Variants in FBXO25 observed in about 807,000 individuals in gnomAD.
FBXO25 encodes F-box protein 25, also known as F-box only protein 25.
FBXO25 carries 45 observed loss-of-function variants against 51.9 expected under a neutral mutation model. That is an observed-to-expected ratio of 0.87 (90% CI 0.68 to 1.11). The LOEUF is 1.11. FBXO25 is among the 50% of genes most tolerant of loss of function. The pLI is 0.00. For synonymous variants in FBXO25, 199 were observed against 151.0 expected (o/e 1.32, Z -2.33); for missense variants, 507 against 428.5 (o/e 1.18, Z -1.62).
chr8:468,856 G>C lies in FBXO25; in HGVS notation c.*52G>C. 6.4e-7 allele frequency: 1 copy of C among 1,563,548 alleles called. No homozygotes were observed. The highest frequency in any genetic ancestry group is 1.1e-5 in the South Asian group (1 of 87,418). On this transcript the variant is annotated 3_prime_UTR_variant, in exon 10 of 10. Transcript: ENST00000350302. ...GATTGTGAATCCTGCTGTCTGTGCAGGGCTCATAGTGAGTGTTCTGTGAGG... is the reference window on the plus strand; with the variant it reads ...GATTGTGAATCCTGCTGTCTGTGCACGGCTCATAGTGAGTGTTCTGTGAGG...
chr8:447,498 A>T (rs1798813831), intron 5 of FBXO25, among the ~76,000 whole-genome samples: 1 of 152,222 alleles, frequency 6.6e-6, no homozygotes, highest in South Asian at 2.1e-4. Flanking sequence ...CTCATGAAGG[A>T]GTTCTGTGGC....
chr8:468,563 T>G (rs768094059), intron 9 of FBXO25, 152 bp from the exon 10 acceptor site: 1 of 605,418 alleles, frequency 1.7e-6, no homozygotes, highest in African/African-American at 1.9e-5. Flanking sequence ...GCTGCCCTTG[T>G]GTTGGTCATT....
At position 468,792 on chromosome 8, in the gene FBXO25, C is replaced by T. The variant is rs750599880; in HGVS notation, c.1065C>T (p.Leu355=). ...TPVSPQHFID[L]FKF is the part of the protein sequence containing the mutation. ...TGTCTCCGCAGCACTTCATCGACCT[C>T]TTCAAGTTTTAAGGGCTGCCCCTGC... Residue 355 remains leucine, a synonymous_variant, in exon 10 of 10, where the codon CTC becomes CTT. Coordinates refer to ENST00000350302, the MANE Select transcript of FBXO25 (RefSeq NM_183420.2). The T allele has an allele frequency of 7.4e-6, 12 of 1,613,886 alleles. No homozygotes were observed. Among genetic ancestry groups the T allele is most frequent in the South Asian group, 5.5e-5 (5 of 91,066 alleles).
intron 2 of FBXO25, among the ~76,000 whole-genome samples, chr8:418,855 C>G (rs939453303): frequency 2.0e-5 from 3 of 152,116 alleles, no homozygotes; most frequent in African/African-American, 7.2e-5. Context: ...AAGTGAACCT[C>G]TACTACTCAC....
intron 9 of FBXO25, chr8:467,826 G>T (rs1423709811): frequency 1.2e-6 from 2 of 1,603,598 alleles, no homozygotes; most frequent in Admixed American, 3.3e-5. Flanking sequence ...CGTCATCTTG[G>T]CCACTGCCCG....
At chr8:444,366 C>T (rs141042639) in intron 5 of FBXO25, among the ~76,000 whole-genome samples, 198 of 152,300 alleles carry the variant, frequency 1.3e-3, no homozygotes, top group African/African-American at 4.6e-3. Context: ...AATTTACTCC[C>T]AGATCCAAGG....
chr8:468,764 CTG>C lies in FBXO25; in HGVS notation c.1041_1042del (p.Pro349AlafsTer85), dbSNP rs1585117111. ...GCCGACCCTGACAGCTGCTTCACGC[CTG>C]TGTCTCCGCAGCACTTCATCGACCT... is the stretch of plus-strand genomic sequence containing the variant. On this transcript the variant is annotated frameshift_variant, in exon 10 of 10. Coordinates refer to ENST00000350302, the MANE Select transcript of FBXO25 (RefSeq NM_183420.2). LOFTEE classifies it high-confidence loss of function. 6.2e-7 allele frequency: 1 copy of C among 1,614,088 alleles called. No individual in the cohort carries two copies. The highest frequency in any genetic ancestry group is 8.5e-7 in the Non-Finnish European group (1 of 1,180,022).
At chr8:449,124 C>G (rs11136697) in intron 5 of FBXO25, among the ~76,000 whole-genome samples, 6 of 152,070 alleles carry the variant, frequency 3.9e-5, no homozygotes, top group Non-Finnish European at 8.8e-5. Flanking sequence ...TGAAACCCAA[C>G]TCCAAGTTGT....
intron 7 of FBXO25, among the ~76,000 whole-genome samples, chr8:454,662 T>C (rs10105791): frequency 0.53 from 80,946 of 151,862 alleles, 23,616 homozygotes; most frequent in African/African-American, 0.8. Context: ...GAGGCCGAGG[T>C]GGGCAGATCA....
chr8:446,977 T>C (rs920653020), intron 5 of FBXO25, among the ~76,000 whole-genome samples: 2 of 152,072 alleles, frequency 1.3e-5, no homozygotes, highest in African/African-American at 4.8e-5. Context: ...ATTCACAGAC[T>C]CTAAAATGTG....
Position 451,391 on chromosome 8 carries a change from A to G in FBXO25, c.598A>G (p.Ile200Val). 1 of 1,614,010 alleles carries G rather than the reference A, an allele frequency of 6.2e-7. No individual in the cohort carries two copies. The highest frequency in any genetic ancestry group is 1.1e-5 in the South Asian group (1 of 91,064). Residue 200 changes from isoleucine (I) to valine (V), a missense_variant, in exon 7 of 10, where the codon ATT becomes GTT. Ile to Val is a conservative substitution (Grantham distance 29). Coordinates refer to ENST00000350302, the MANE Select transcript of FBXO25 (RefSeq NM_183420.2). Reference protein sequence around the residue: ...SVLVGNINIWICRLETILAWQ... With the variant: ...SVLVGNINIWVCRLETILAWQ... ...ATTAGTGGGAAACATCAATATTTGG[A>G]TTTGCCGATTAGAAACTATTCTCGC...
At chr8:435,433 C>T in intron 4 of FBXO25, 182 bp from the exon 5 acceptor site, 1 of 742,462 alleles carries the variant, frequency 1.3e-6, no homozygotes, top group Non-Finnish European at 2.1e-6. Context: ...TATACATAAA[C>T]AGCTTAAATT....
At chr8:443,022 A>G (rs1200364790) in intron 5 of FBXO25, among the ~76,000 whole-genome samples, 2 of 152,122 alleles carry the variant, frequency 1.3e-5, no homozygotes, top group Non-Finnish European at 2.9e-5. Context: ...GGTCCAAGAA[A>G]TGACAGTGTT....
In FBXO25 at chr8:411,357, C is replaced by G. The variant is rs764630887; in HGVS notation, c.-7-1716C>G. ...CCTACTTCTCCCTCTACCTTTTTGGCTCTTCCTTTTCAGTTTTTCTTCTTG... is the reference window on the plus strand; with the variant it reads ...CCTACTTCTCCCTCTACCTTTTTGGGTCTTCCTTTTCAGTTTTTCTTCTTG... On this transcript the variant is annotated intron_variant, in intron 1 of 9. Coordinates refer to ENST00000350302, the MANE Select transcript of FBXO25 (RefSeq NM_183420.2). Among the ~76,000 whole-genome samples, 5 of 152,200 alleles carry G rather than the reference C, an allele frequency of 3.3e-5. 1 individual carries two copies. In the East Asian group the frequency reaches 5.8e-4, roughly 18 times the overall value.
In FBXO25 at chr8:476,993, T is replaced by G. The variant is rs533205389; in HGVS notation, c.*8189T>G. On this transcript the variant is annotated 3_prime_UTR_variant, in exon 10 of 10. Coordinates refer to ENST00000350302, the MANE Select transcript of FBXO25 (RefSeq NM_183420.2). The stretch of plus-strand genomic sequence containing the variant: ...TGTACCTGTTTTTTTGTATATTACA[T>G]TTTTCATTTACCACAAGATATTTTC... 0.2 allele frequency: 30,658 copies of G among 151,934 alleles called. 4,345 individuals are homozygous for G. The highest frequency in any genetic ancestry group is 0.4 in the African/African-American group (16,508 of 41,352). 9.4% of individuals were successfully genotyped at this position (151,934 alleles called of 1,614,324 possible).
At chr8:435,847 G>A (rs1296180732) in intron 5 of FBXO25, 140 bp downstream of exon 5, 13 of 1,268,748 alleles carry the variant, frequency 1.0e-5, no homozygotes, top group Non-Finnish European at 1.4e-5. Context: ...AAAAACAGAA[G>A]GGAACAAGTT....
Position 451,520 on chromosome 8 carries a change from G to GCATA in FBXO25, c.660+71_660+74dup, listed in dbSNP as rs1339193836. 11 of 1,434,268 alleles carry GCATA rather than the reference G, an allele frequency of 7.7e-6. No homozygotes were observed. The Admixed American group carries it at 2.4e-4, about 31-fold the overall frequency. The allele number at this position is 1,434,268 out of a possible 1,614,324, so 88.8% of individuals were successfully genotyped here. A position where few individuals can be genotyped will look rare whatever the true frequency, so the allele number is the denominator to read the frequency against. ...ATATTACAGAAGTTATCTTTTCTAA[G>GCATA]CATACATGAAAGACTGCTATAGCTT... On this transcript the variant is annotated intron_variant, in intron 7 of 9. Coordinates refer to ENST00000350302, the MANE Select transcript of FBXO25 (RefSeq NM_183420.2).
At chr8:447,633 T>A (rs1798823699) in intron 5 of FBXO25, among the ~76,000 whole-genome samples, 2 of 152,350 alleles carry the variant, frequency 1.3e-5, no homozygotes, top group South Asian at 2.1e-4. Flanking sequence ...GATTTTGTAA[T>A]ATTTACATAT....
At chr8:464,809 T>G (rs1292174211) in intron 9 of FBXO25, among the ~76,000 whole-genome samples, 1 of 152,234 alleles carries the variant, frequency 6.6e-6, no homozygotes, top group Non-Finnish European at 1.5e-5. Context: ...ATATGAGATT[T>G]TATTTCTGAT....
Sources: gnomAD v4.1 joint callset for allele counts (sites outside exome capture counted in the v4.1 genomes callset) on GRCh38, gnomAD v4.1.1 for gene constraint, MANE v1.5 for transcripts, NCBI Gene and HGNC (gene_info 2026-07-23, HGNC 2026-07-21) for gene names.